Variants in CNTNAP5 observed in about 807,000 individuals in gnomAD.
CNTNAP5 encodes contactin associated protein family member 5.
Under a neutral mutation model 150.2 loss-of-function variants are expected in CNTNAP5, and 72 were observed. The observed-to-expected ratio is 0.48, with a 90% CI of 0.40 to 0.58. CNTNAP5 has a LOEUF of 0.58. CNTNAP5 is among the 20% of genes least tolerant of loss of function. The probability of loss-of-function intolerance (pLI) is 0.00; values close to 1 mark genes in which losing one functional copy is unlikely to be tolerated. For synonymous variants in CNTNAP5, 672 were observed against 619.8 expected (o/e 1.08, Z -1.25); for missense variants, 1,636 against 1,626.2 (o/e 1.01, Z -0.10).
At chr2:124,817,998 C>A (rs999609671) in intron 19 of CNTNAP5, among the ~76,000 whole-genome samples, 1 of 152,180 alleles carries the variant, frequency 6.6e-6, no homozygotes, top group African/African-American at 2.4e-5. Flanking sequence ...CACACTGCAG[C>A]GGACAGTTCC....
chr2:124,793,125 G>A (rs1409703410), intron 18 of CNTNAP5, among the ~76,000 whole-genome samples: 4 of 152,122 alleles, frequency 2.6e-5, no homozygotes, highest in South Asian at 2.1e-4. Context: ...TTTTCAAATC[G>A]GCTGTTCCAT....
chr2:124,419,527 G>A (rs1692027873), intron 4 of CNTNAP5, among the ~76,000 whole-genome samples: 1 of 152,156 alleles, frequency 6.6e-6, no homozygotes, highest in African/African-American at 2.4e-5. Flanking sequence ...GTCTGCTAAA[G>A]CCCAGTTCTA....
intron 3 of CNTNAP5, among the ~76,000 whole-genome samples, chr2:124,363,710 A>G (rs949694629): frequency 6.6e-6 from 1 of 152,176 alleles, no homozygotes; most frequent in Non-Finnish European, 1.5e-5. Flanking sequence ...TATTCTTACC[A>G]CATACACACA....
intron 13 of CNTNAP5, among the ~76,000 whole-genome samples, chr2:124,651,917 G>A (rs1211468305): frequency 6.6e-6 from 1 of 152,138 alleles, no homozygotes; most frequent in Non-Finnish European, 1.5e-5. Flanking sequence ...CATCCCCAGA[G>A]CCTCCTTCTG....
At chr2:124,482,535 C>A (rs763638626) in intron 7 of CNTNAP5, among the ~76,000 whole-genome samples, 11 of 152,086 alleles carry the variant, frequency 7.2e-5, no homozygotes, top group Admixed American at 1.3e-4. Context: ...CAAGGCTGGG[C>A]AGATCCGTGA....
chr2:124,602,713 G>A (rs1000105975), intron 11 of CNTNAP5, among the ~76,000 whole-genome samples: 2 of 152,044 alleles, frequency 1.3e-5, no homozygotes, highest in African/African-American at 2.4e-5. Flanking sequence ...GGCTGGTCTC[G>A]AGCTCTCAGC....
At chr2:124,662,210 T>G (rs948513990) in intron 13 of CNTNAP5, among the ~76,000 whole-genome samples, 3 of 152,268 alleles carry the variant, frequency 2.0e-5, no homozygotes, top group Non-Finnish European at 1.5e-5. Context: ...TGCCACATTT[T>G]CTTTATCCAG....
intron 1 of CNTNAP5, among the ~76,000 whole-genome samples, chr2:124,196,411 T>G (rs1351623568): frequency 6.6e-6 from 1 of 152,124 alleles, no homozygotes; most frequent in African/African-American, 2.4e-5. Flanking sequence ...ATGCCCAATT[T>G]CAAAAATAAG....
intron 13 of CNTNAP5, among the ~76,000 whole-genome samples, chr2:124,682,345 C>G (rs549552960): frequency 6.6e-6 from 1 of 152,200 alleles, no homozygotes; most frequent in Non-Finnish European, 1.5e-5. Flanking sequence ...GGAGTTAGCC[C>G]TGCTTCTCCC....
Position 124,772,962 on chromosome 2 carries a change from G to T in CNTNAP5, c.2697G>T (p.Arg899Ser). 6.2e-7 allele frequency: 1 copy of T among 1,613,650 alleles called. No individual in the cohort carries two copies. Among genetic ancestry groups the T allele is most frequent in the Non-Finnish European group, 8.5e-7 (1 of 1,179,710 alleles). Residue 899 changes from arginine (R) to serine (S), a missense_variant, in exon 17 of 24, where the codon AGG becomes AGT. Coordinates refer to ENST00000682447, the MANE Select transcript of CNTNAP5 (RefSeq NM_001367498.1). ...LQVDNLPRSTRETSEEGHFRL... is the reference protein window; with the variant it reads ...LQVDNLPRSTSETSEEGHFRL... The stretch of plus-strand genomic sequence containing the variant: ...TGGACAACCTTCCAAGGAGCACCAG[G>T]GAGACGTCGGAGGAGGGCCATTTTC...
At chr2:124,362,223 G>T (rs1690230597) in intron 3 of CNTNAP5, among the ~76,000 whole-genome samples, 1 of 152,220 alleles carries the variant, frequency 6.6e-6, no homozygotes, top group Non-Finnish European at 1.5e-5. Flanking sequence ...ACTCCCTAGT[G>T]AGATGAACCC....
chr2:124,624,543 CT>C, intron 12 of CNTNAP5, among the ~76,000 whole-genome samples: 1 of 152,184 alleles, frequency 6.6e-6, no homozygotes, highest in Non-Finnish European at 1.5e-5. Flanking sequence ...TTCAGTCACT[CT>C]GTCAATTATT....
intron 1 of CNTNAP5, among the ~76,000 whole-genome samples, chr2:124,053,610 G>A (rs1459372482): frequency 2.0e-5 from 3 of 152,074 alleles, no homozygotes; most frequent in African/African-American, 7.2e-5. Context: ...TGGCAATAAC[G>A]TATGTCACAG....
intron 13 of CNTNAP5, among the ~76,000 whole-genome samples, chr2:124,667,611 A>C (rs567436959): frequency 5.3e-5 from 8 of 152,308 alleles, no homozygotes; most frequent in African/African-American, 1.7e-4. Flanking sequence ...TACACAGTTT[A>C]CCTAAAGGTT....
chr2:124,304,023 C>A (rs1486505872), intron 3 of CNTNAP5, among the ~76,000 whole-genome samples: 1 of 151,718 alleles, frequency 6.6e-6, no homozygotes, highest in Non-Finnish European at 1.5e-5. Flanking sequence ...AGAGTGAGAC[C>A]CTGTCTCAAA....
rs139892491 is a variant in CNTNAP5 at position 124,379,789 on chromosome 2, G to A, written c.382-37654G>A. Among the ~76,000 whole-genome samples the A allele has an allele frequency of 4.6e-5, 7 of 152,232 alleles. No homozygotes were observed. In the East Asian group the frequency reaches 1.4e-3, roughly 30 times the overall value. ...CAGTGGTAACTGCAGCTGCCTGAGA[G>A]GAGTCAGTGATGAAATTGTTGCGCA... On this transcript the variant is annotated intron_variant, in intron 3 of 23. Coordinates refer to ENST00000682447, the MANE Select transcript of CNTNAP5 (RefSeq NM_001367498.1).
chr2:124,194,857 T>G (rs1299164392), intron 1 of CNTNAP5, among the ~76,000 whole-genome samples: 2 of 151,916 alleles, frequency 1.3e-5, no homozygotes, highest in South Asian at 2.1e-4. Flanking sequence ...TTCTTTTGAA[T>G]ATTGGACACA....
chr2:124,272,671 G>T (rs1371565762), intron 3 of CNTNAP5, among the ~76,000 whole-genome samples: 1 of 152,148 alleles, frequency 6.6e-6, no homozygotes, highest in African/African-American at 2.4e-5. Context: ...TGATCAGATT[G>T]CTTCAGTGCT....
chr2:124,677,791 C>A (rs545292496), intron 13 of CNTNAP5, among the ~76,000 whole-genome samples: 45 of 151,970 alleles, frequency 3.0e-4, no homozygotes, highest in African/African-American at 1.1e-3. Flanking sequence ...GGTGCGTTTA[C>A]AATCCTCTAG....
Sources: allele counts gnomAD v4.1 joint callset (sites outside exome capture counted in the v4.1 genomes callset), GRCh38; gene constraint gnomAD v4.1.1; transcripts MANE v1.5; gene names NCBI Gene and HGNC (gene_info 2026-07-23, HGNC 2026-07-21).